MTMR9: variants seen among roughly 807,000 people sequenced by gnomAD.
MTMR9 encodes the protein myotubularin related protein 9.
A neutral mutation model predicts 69.5 loss-of-function variants in MTMR9; 39 were observed. That is an observed-to-expected ratio of 0.56 (90% CI 0.43 to 0.73). The LOEUF (loss-of-function observed/expected upper bound fraction) is 0.73, where lower values mean the gene tolerates loss of function less well. Among genes scored for constraint, MTMR9 ranks in the 30% least tolerant of loss-of-function variants. The probability of loss-of-function intolerance (pLI) is 0.00; values close to 1 mark genes in which losing one functional copy is unlikely to be tolerated. For synonymous variants in MTMR9, 354 were observed against 240.8 expected (o/e 1.47, Z -4.35); for missense variants, 900 against 671.2 (o/e 1.34, Z -3.77).
In MTMR9 at chr8:11,284,986, G is replaced by T; in HGVS notation, c.98G>T (p.Gly33Val). 6.2e-7 allele frequency: 1 copy of T among 1,613,840 alleles called. No homozygotes were observed. Among genetic ancestry groups the T allele is most frequent in the Non-Finnish European group, 8.5e-7 (1 of 1,179,928 alleles). Residue 33 changes from glycine (G) to valine (V), a missense_variant, in exon 1 of 10, where the codon GGC (glycine) becomes GTC (valine). Gly to Val is a moderately radical substitution (Grantham distance 109). Coordinates refer to ENST00000221086, the MANE Select transcript of MTMR9 (RefSeq NM_015458.4). ...PAVEGTLCLT[G>V]HHLILSSRQD... is the part of the protein sequence containing the mutation. ...GTCGAGGGCACCCTGTGCCTGACGG[G>T]CCACCACTTGATCCTGTCCTCCCGG...
downstream of MTMR9, among the ~76,000 whole-genome samples, chr8:11,333,061 A>G (rs947856710): frequency 2.0e-5 from 3 of 152,214 alleles, no homozygotes; most frequent in African/African-American, 4.8e-5. Context: ...ATGGTTTATG[A>G]GAGTCCTAGA....
Position 11,304,883 on chromosome 8 carries a change from G to C in MTMR9, c.460G>C (p.Val154Leu), listed in dbSNP as rs145333696. 58 of 1,613,994 alleles carry C rather than the reference G, an allele frequency of 3.6e-5. No individual in the cohort carries two copies. Among genetic ancestry groups the C allele is most frequent in the Non-Finnish European group, 4.5e-5 (53 of 1,179,978 alleles). Residue 154 changes from valine to leucine, a missense_variant, in exon 4 of 10, where the codon GTC becomes CTC. Transcript: ENST00000221086. ...RLSYVNKEFAVCPSYPPIVTV... is the reference protein window; with the variant it reads ...RLSYVNKEFALCPSYPPIVTV... The stretch of plus-strand genomic sequence containing the variant: ...AAGCTATGTCAATAAGGAATTTGCT[G>C]TCTGTCCCTCTTACCCACCAATTGT...
At chr8:11,322,528 A>C in intron 9 of MTMR9, 97 bp from the exon 10 acceptor site, 2 of 1,003,056 alleles carry the variant, frequency 2.0e-6, no homozygotes, top group South Asian at 3.0e-5. Context: ...AAGAAAAAAG[A>C]ATGTATAATA....
At position 11,309,590 on chromosome 8, in the gene MTMR9, C is replaced by T; in HGVS notation, c.873C>T (p.Asn291=). 2 of 1,613,906 alleles carry T rather than the reference C, an allele frequency of 1.2e-6. No individual in the cohort carries two copies. Among genetic ancestry groups the T allele is most frequent in the Non-Finnish European group, 1.7e-6 (2 of 1,179,844 alleles). Residue 291 remains asparagine, a synonymous_variant, in exon 6 of 10, where the codon AAC becomes AAT. Coordinates refer to ENST00000221086, the MANE Select transcript of MTMR9 (RefSeq NM_015458.4). ...AAGCTTGTAATGACCAAACACATAA[C>T]ATGGACCGATGGCTCAGTAAATTGG... The part of the protein sequence containing the change: ...LVEACNDQTH[N]MDRWLSKLEA...
At chr8:11,318,014 G>A (rs560946823) in intron 8 of MTMR9, 5 of 152,188 alleles carry the variant, frequency 3.3e-5, no homozygotes, top group African/African-American at 1.2e-4. Flanking sequence ...TTAGAAGGGA[G>A]GATTTAATGA....
At chr8:11,286,910 T>C (rs1052733780) in intron 1 of MTMR9, among the ~76,000 whole-genome samples, 3 of 152,220 alleles carry the variant, frequency 2.0e-5, no homozygotes, top group Admixed American at 1.3e-4. Flanking sequence ...TATTGACTTC[T>C]TCCTTCTGCT....
the MTMR9 span, among the ~76,000 whole-genome samples, chr8:11,337,786 T>C: frequency 6.6e-6 from 1 of 152,242 alleles, no homozygotes; most frequent in African/African-American, 2.4e-5. Flanking sequence ...ATTCATGTGC[T>C]CCGGTAAAGG....
In MTMR9 at chr8:11,324,357, A is replaced by C. The variant is rs1190703279; in HGVS notation, c.*1569A>C. 3 of 151,314 alleles carry C rather than the reference A, an allele frequency of 2.0e-5. No individual in the cohort carries two copies. The highest frequency in any genetic ancestry group is 6.6e-5 in the Admixed American group (1 of 15,232). The allele number at this position is 151,314 out of a possible 1,614,324, so 9.4% of individuals were successfully genotyped here. A position where few individuals can be genotyped will look rare whatever the true frequency, so the allele number is the denominator to read the frequency against. ...CCACAGTCCACAGTCTTTTTGGGAA[A>C]ATTGGCCTGCCACCTTCTTTAAGCT... On this transcript the variant is annotated 3_prime_UTR_variant, in exon 10 of 10. Transcript: ENST00000221086.
At position 11,314,952 on chromosome 8, in the gene MTMR9, C is replaced by G; in HGVS notation, c.1001C>G (p.Thr334Arg). ...GGAGCATCAATATTGATTCACGGAA[C>G]AGAAGGAACTGATTCCACACTCCAG... ...REGASILIHG[T>R]EGTDSTLQVT... Residue 334 changes from threonine (T) to arginine (R), a missense_variant, in exon 7 of 10, where the codon ACA (threonine) becomes AGA (arginine). Physicochemically the swap from Thr to Arg is moderately conservative, Grantham distance 71 (BLOSUM62 -1). Transcript: ENST00000221086. 1 of 1,613,860 alleles carries G rather than the reference C, an allele frequency of 6.2e-7. No homozygotes were observed. Among genetic ancestry groups the G allele is most frequent in the South Asian group, 1.1e-5 (1 of 91,054 alleles).
At chr8:11,336,552 C>T in the MTMR9 span, among the ~76,000 whole-genome samples, 1 of 152,214 alleles carries the variant, frequency 6.6e-6, no homozygotes, top group Non-Finnish European at 1.5e-5. Flanking sequence ...TTTACAATTT[C>T]CTGGGCAGCC....
At chr8:11,307,834 G>T (rs1321437723) in intron 5 of MTMR9, among the ~76,000 whole-genome samples, 2 of 151,828 alleles carry the variant, frequency 1.3e-5, no homozygotes, top group African/African-American at 4.8e-5. Flanking sequence ...ATACCTATTG[G>T]CCATTTATAT....
At chr8:11,317,383 G>A (rs1429392260) in intron 8 of MTMR9, 1 of 152,338 alleles carries the variant, frequency 6.6e-6, no homozygotes, top group Admixed American at 6.5e-5. Context: ...AGCGGGATTG[G>A]TGATGGTTTT....
In MTMR9 at chr8:11,327,115, A is replaced by G. The variant is rs1030222739; in HGVS notation, c.*4327A>G. 1 of 152,176 alleles carries G rather than the reference A, an allele frequency of 6.6e-6. No individual in the cohort carries two copies. Among genetic ancestry groups the G allele is most frequent in the African/African-American group, 2.4e-5 (1 of 41,424 alleles). 9.4% of individuals were successfully genotyped at this position (152,176 alleles called of 1,614,324 possible). A position where few individuals can be genotyped will look rare whatever the true frequency, so the allele number is the denominator to read the frequency against. Reference sequence around the variant, plus strand: ...ACTTCTACCTTCATTTGGTCTTTATAATCCACTGTCCACAGCATCTTCCTT... The same window carrying G: ...ACTTCTACCTTCATTTGGTCTTTATGATCCACTGTCCACAGCATCTTCCTT... On this transcript the variant is annotated 3_prime_UTR_variant, in exon 10 of 10. Coordinates refer to ENST00000221086, the MANE Select transcript of MTMR9 (RefSeq NM_015458.4).
chr8:11,322,737 A>G lies in MTMR9; in HGVS notation c.1599A>G (p.Arg533=), dbSNP rs767311309. 6.2e-7 allele frequency: 1 copy of G among 1,614,008 alleles called. No homozygotes were observed. ...TACAAGCAAAAGTCAATATCCTTCG[A>G]AGGCAGTTGGCAGAACTGGAAACAG... ...KELQAKVNIL[R]RQLAELETED... is the part of the protein sequence containing the mutation. The change falls in exon 10 of 10, where the codon CGA becomes CGG. Residue 533 remains arginine (R), a synonymous_variant. Transcript: ENST00000221086.
chr8:11,285,731 T>G (rs1271823186), intron 1 of MTMR9, among the ~76,000 whole-genome samples: 1 of 152,116 alleles, frequency 6.6e-6, no homozygotes, highest in Non-Finnish European at 1.5e-5. Context: ...TCCAAGGCAG[T>G]GCCTCGAAGT....
chr8:11,289,000 C>A (rs1338215009), intron 1 of MTMR9, among the ~76,000 whole-genome samples: 1 of 152,142 alleles, frequency 6.6e-6, no homozygotes, highest in Non-Finnish European at 1.5e-5. Flanking sequence ...GGTGAAACCT[C>A]ATCTCTACTG....
chr8:11,323,462 T>A lies in MTMR9; in HGVS notation c.*674T>A, dbSNP rs1800784769. Reference sequence around the variant, plus strand: ...AAGAAGAGTTAAATTTATTTTAACGTAGACACTAAAAGTATGTGCAATATA... The same window carrying A: ...AAGAAGAGTTAAATTTATTTTAACGAAGACACTAAAAGTATGTGCAATATA... On this transcript the variant is annotated 3_prime_UTR_variant, in exon 10 of 10. Transcript: ENST00000221086. 6.6e-6 allele frequency: 1 copy of A among 152,274 alleles called. No homozygotes were observed. The highest frequency in any genetic ancestry group is 6.5e-5 in the Admixed American group (1 of 15,288). The allele number at this position is 152,274 out of a possible 1,614,324, so 9.4% of individuals were successfully genotyped here.
chr8:11,332,192 A>C (rs1489730626), downstream of MTMR9: 9 of 1,536,308 alleles, frequency 5.9e-6, no homozygotes, highest in South Asian at 1.1e-4. Context: ...AAGACAAAAA[A>C]AAAATAAAAG....
At chr8:11,288,308 A>G (rs1278130967) in intron 1 of MTMR9, among the ~76,000 whole-genome samples, 2 of 140,288 alleles carry the variant, frequency 1.4e-5, no homozygotes, top group Non-Finnish European at 3.0e-5. Flanking sequence ...ATATTATAAT[A>G]TGTATATATA....
Sources: allele counts gnomAD v4.1 joint callset (sites outside exome capture counted in the v4.1 genomes callset), GRCh38; gene constraint gnomAD v4.1.1; transcripts MANE v1.5; gene names NCBI Gene and HGNC (gene_info 2026-07-23, HGNC 2026-07-21).